The following ARB2A variants were observed in gnomAD, a reference collection of about 807,000 sequenced individuals.
ARB2A encodes the protein ARB2 cotranscriptional regulator A.
chr5:93,875,818 CTAAAGA>C, the ARB2A span, among the ~76,000 whole-genome samples: 1 of 148,608 alleles, frequency 6.7e-6, no homozygotes, highest in Non-Finnish European at 1.5e-5. Context: ...AAAAAAGAGA[CTAAAGA>C]TAGAGTTAAT....
At chr5:94,084,184 G>A in the ARB2A span, among the ~76,000 whole-genome samples, 1 of 144,012 alleles carries the variant, frequency 6.9e-6, no homozygotes, top group Non-Finnish European at 1.5e-5. Flanking sequence ...TGATGCAGGA[G>A]AATCACTTGA....
chr5:93,947,111 A>G, the ARB2A span, among the ~76,000 whole-genome samples: 1 of 152,060 alleles, frequency 6.6e-6, no homozygotes, highest in Non-Finnish European at 1.5e-5. Flanking sequence ...CTTGTGATGA[A>G]TCATTTCTTC....
the ARB2A span, among the ~76,000 whole-genome samples, chr5:93,837,803 T>C: frequency 2.0e-5 from 3 of 152,212 alleles, no homozygotes; most frequent in African/African-American, 2.4e-5. Flanking sequence ...GCCACATGTA[T>C]GGCTTCTTTT....
At chr5:93,778,756 T>G in the ARB2A span, among the ~76,000 whole-genome samples, 10 of 152,212 alleles carry the variant, frequency 6.6e-5, no homozygotes, top group African/African-American at 2.2e-4. Context: ...CTATGTCTTA[T>G]AGGATTTTCT....
the ARB2A span, among the ~76,000 whole-genome samples, chr5:94,066,605 G>A: frequency 6.6e-6 from 1 of 151,952 alleles, no homozygotes; most frequent in Non-Finnish European, 1.5e-5. Flanking sequence ...ATAAATTCCT[G>A]GACAAATAAA....
At chr5:93,896,675 A>G in the ARB2A span, among the ~76,000 whole-genome samples, 1 of 152,232 alleles carries the variant, frequency 6.6e-6, no homozygotes, top group Admixed American at 6.6e-5. Context: ...AAAAGGAAGG[A>G]AAATGGAATT....
the ARB2A span, among the ~76,000 whole-genome samples, chr5:93,986,732 C>G: frequency 5.9e-5 from 9 of 152,128 alleles, no homozygotes; most frequent in Non-Finnish European, 7.4e-5. Flanking sequence ...CCGGTGCTCT[C>G]GGAAACATGT....
the ARB2A span, among the ~76,000 whole-genome samples, chr5:93,765,492 C>T: frequency 2.0e-5 from 3 of 152,146 alleles, no homozygotes; most frequent in African/African-American, 2.4e-5. Flanking sequence ...TTGCAAGGGA[C>T]GTGAAGGACC....
the ARB2A span, among the ~76,000 whole-genome samples, chr5:93,790,949 GA>G: frequency 6.6e-6 from 1 of 152,112 alleles, no homozygotes; most frequent in Non-Finnish European, 1.5e-5. Context: ...GCATAAAGGA[GA>G]AAAGGCATGT....
At chr5:94,046,840 A>G in the ARB2A span, among the ~76,000 whole-genome samples, 1 of 152,232 alleles carries the variant, frequency 6.6e-6, no homozygotes, top group African/African-American at 2.4e-5. Flanking sequence ...AAGTCCCACT[A>G]TCATGAATTC....
At chr5:94,087,624 T>C in the ARB2A span, among the ~76,000 whole-genome samples, 9 of 152,230 alleles carry the variant, frequency 5.9e-5, no homozygotes, top group African/African-American at 2.2e-4. Context: ...TATACAGTAA[T>C]GTCCTAGGCC....
chr5:94,043,266 C>G, the ARB2A span, among the ~76,000 whole-genome samples: 7 of 152,118 alleles, frequency 4.6e-5, no homozygotes, highest in Non-Finnish European at 1.0e-4. Flanking sequence ...ATCTTTTTAA[C>G]TTTGCTTGAA....
chr5:93,963,226 C>T, the ARB2A span, among the ~76,000 whole-genome samples: 1 of 151,886 alleles, frequency 6.6e-6, no homozygotes, highest in Non-Finnish European at 1.5e-5. Context: ...AATGCTAGGC[C>T]TAAAGTCAAA....
the ARB2A span, among the ~76,000 whole-genome samples, chr5:93,950,985 C>T: frequency 8.9e-4 from 134 of 150,896 alleles, 1 homozygote; most frequent in Middle Eastern, 6.9e-3. Context: ...AAAATAAGTC[C>T]TAATAGTATA....
At chr5:93,741,136 G>A in the ARB2A span, 1 of 1,613,668 alleles carries the variant, frequency 6.2e-7, no homozygotes, top group African/African-American at 1.3e-5. Flanking sequence ...ATCGGCCTGC[G>A]AGTACCCTAG....
the ARB2A span, among the ~76,000 whole-genome samples, chr5:94,052,036 G>A: frequency 1.3e-5 from 2 of 151,950 alleles, no homozygotes; most frequent in African/African-American, 4.8e-5. Context: ...GTCCAGGCTG[G>A]TCTTGAACTC....
chr5:93,821,189 A>T, the ARB2A span, among the ~76,000 whole-genome samples: 1 of 151,408 alleles, frequency 6.6e-6, no homozygotes, highest in African/African-American at 2.4e-5. Context: ...ATTTAAAACA[A>T]TTTTTTTTTG....
chr5:93,741,382 C>T, the ARB2A span: 1 of 1,612,708 alleles, frequency 6.2e-7, no homozygotes, highest in Non-Finnish European at 8.5e-7. Flanking sequence ...GGGAATCCTC[C>T]ACACGTCAGG....
At chr5:93,930,480 T>TA in the ARB2A span, among the ~76,000 whole-genome samples, 1 of 152,108 alleles carries the variant, frequency 6.6e-6, no homozygotes, top group East Asian at 1.9e-4. Flanking sequence ...CACAAGTAGA[T>TA]AAAAAATACT....
Sources: gnomAD v4.1 joint callset for allele counts (sites outside exome capture counted in the v4.1 genomes callset) on GRCh38, gnomAD v4.1.1 for gene constraint, MANE v1.5 for transcripts, NCBI Gene and HGNC (gene_info 2026-07-23, HGNC 2026-07-21) for gene names.